Variants in OTUD7A observed in about 807,000 individuals in gnomAD.
The protein encoded by OTUD7A is OTU deubiquitinase 7A, also known as OTU domain-containing protein 7A.
Under a neutral mutation model 65.7 loss-of-function variants are expected in OTUD7A, and 12 were observed. That is an observed-to-expected ratio of 0.18 (90% CI 0.12 to 0.30). OTUD7A has a LOEUF of 0.30. OTUD7A is among the 10% of genes least tolerant of loss of function. The probability of loss-of-function intolerance (pLI) is 1.00; values close to 1 mark genes in which losing one functional copy is unlikely to be tolerated. For synonymous variants in OTUD7A, 641 were observed against 586.3 expected, an observed-to-expected ratio of 1.09 and a Z score of -1.35; for missense variants, 1,148 against 1,304.8, an observed-to-expected ratio of 0.88 and a Z score of 1.85.
At chr15:31,489,091 C>T (rs906785243) in intron 10 of OTUD7A, among the ~76,000 whole-genome samples, 24 of 152,160 alleles carry the variant, frequency 1.6e-4, no homozygotes, top group African/African-American at 5.3e-4. Context: ...TTGGGTGGTG[C>T]CCAGCAGCCT....
chr15:31,759,347 T>C (rs1894898439), intron 1 of OTUD7A, among the ~76,000 whole-genome samples: 1 of 152,220 alleles, frequency 6.6e-6, no homozygotes, highest in Admixed American at 6.5e-5. Context: ...TTACCACTTA[T>C]TTGGCACCTA....
At chr15:31,592,582 T>TA (rs901003538) in intron 3 of OTUD7A, among the ~76,000 whole-genome samples, 1 of 151,690 alleles carries the variant, frequency 6.6e-6, no homozygotes, top group Non-Finnish European at 1.5e-5. Flanking sequence ...ACATTAACTT[T>TA]AAAAAAATAT....
chr15:31,825,566 T>C (rs1896778430), intron 1 of OTUD7A, among the ~76,000 whole-genome samples: 1 of 152,108 alleles, frequency 6.6e-6, no homozygotes, highest in Non-Finnish European at 1.5e-5. Flanking sequence ...AGCCAAACCA[T>C]ATCATTCCAC....
chr15:31,675,265 G>T (rs890474773), intron 1 of OTUD7A, among the ~76,000 whole-genome samples: 1 of 152,166 alleles, frequency 6.6e-6, no homozygotes, highest in Non-Finnish European at 1.5e-5. Context: ...GGTTATTAGG[G>T]TGGAAAGAGA....
chr15:31,483,730 T>C lies in OTUD7A; in HGVS notation c.2366A>G (p.Glu789Gly). ...IHVQASGARD[E>G]ACAPAVGALR... ...CGCCCCCACGGCCGGCGCGCACGCCTCGTCCCGCGCGCCCGACGCCTGCAC... is the reference window on the plus strand; with the variant it reads ...CGCCCCCACGGCCGGCGCGCACGCCCCGTCCCGCGCGCCCGACGCCTGCAC... Residue 789 changes from glutamate to glycine, a missense_variant, in exon 13 of 13, where the codon GAG becomes GGG. Glu to Gly is a moderately conservative substitution (Grantham distance 98). Around this residue, in one of 6 missense-constraint regions of OTUD7A, gnomAD observed 842 missense variants for 769.5 expected, o/e 1.09. Transcript: ENST00000307050. 1 of 1,117,562 alleles carries C rather than the reference T, an allele frequency of 8.9e-7. No individual in the cohort carries two copies. The highest frequency in any genetic ancestry group is 1.1e-6 in the Non-Finnish European group (1 of 917,668). 69.2% of individuals were successfully genotyped at this position (1,117,562 alleles called of 1,614,324 possible).
At chr15:31,511,187 A>C (rs1404393441) in intron 8 of OTUD7A, among the ~76,000 whole-genome samples, 1 of 5,086 alleles carries the variant, frequency 2.0e-4, no homozygotes, top group Non-Finnish European at 3.0e-4. Flanking sequence ...ATCTATATGT[A>C]ACACACATAT....
chr15:31,544,070 A>C (rs535199653), intron 5 of OTUD7A, among the ~76,000 whole-genome samples: 25 of 151,954 alleles, frequency 1.6e-4, no homozygotes, highest in African/African-American at 5.5e-4. Context: ...AATCTATAAT[A>C]AAAATAACTA....
chr15:31,763,271 A>G (rs1567010357), intron 1 of OTUD7A, among the ~76,000 whole-genome samples: 1 of 151,568 alleles, frequency 6.6e-6, no homozygotes, highest in Non-Finnish European at 1.5e-5. Context: ...CAACAGAGCG[A>G]GACTCCATCT....
rs536413613 is a variant in OTUD7A at position 31,508,320 on chromosome 15, G to C, written c.894-4502C>G. Reference sequence around the variant, plus strand: ...ATAAAATAGGGTCCTTCCCAGGCTGGCTTGAGTTTTTTATTTTTTGATAAG... The same window carrying C: ...ATAAAATAGGGTCCTTCCCAGGCTGCCTTGAGTTTTTTATTTTTTGATAAG... On this transcript the variant is annotated intron_variant, in intron 8 of 12. Coordinates refer to ENST00000307050, the MANE Select transcript of OTUD7A (RefSeq NM_001382637.1). 9.2e-5 allele frequency among the ~76,000 whole-genome samples: 14 copies of C among 152,174 alleles called. No homozygotes were observed. The South Asian group carries it at 2.9e-3, about 32-fold the overall frequency.
chr15:31,862,531 C>T lies in OTUD7A; in HGVS notation c.-100+7976G>A, dbSNP rs369438793. Among the ~76,000 whole-genome samples the T allele has an allele frequency of 1.3e-4, 20 of 152,308 alleles. No homozygotes were observed. In the East Asian group the frequency reaches 3.7e-3, roughly 28 times the overall value. On this transcript the variant is annotated intron_variant, in intron 1 of 12. Coordinates refer to ENST00000307050, the MANE Select transcript of OTUD7A (RefSeq NM_001382637.1). ...GGCGGGAGGTGAAAGGCACTTCTTA[C>T]ATGGCAGTGGCAAGAGAAAAATAAG...
intron 4 of OTUD7A, among the ~76,000 whole-genome samples, chr15:31,562,969 T>C (rs752264517): frequency 6.6e-6 from 1 of 152,212 alleles, no homozygotes; most frequent in Admixed American, 6.5e-5. Flanking sequence ...AAAGGAGACA[T>C]AAATTTAATT....
chr15:31,766,903 A>C, intron 1 of OTUD7A: 1 of 1,609,970 alleles, frequency 6.2e-7, no homozygotes. Context: ...TGACACATCT[A>C]CAATTCCTTC....
intron 1 of OTUD7A, among the ~76,000 whole-genome samples, chr15:31,775,093 C>T (rs1895340755): frequency 1.0e-5 from 1 of 96,154 alleles, no homozygotes; most frequent in African/African-American, 3.6e-5. Flanking sequence ...TGCATTTACA[C>T]ACACACACAC....
chr15:31,687,300 T>C (rs1476894419), intron 1 of OTUD7A, among the ~76,000 whole-genome samples: 3 of 152,054 alleles, frequency 2.0e-5, no homozygotes, highest in South Asian at 2.1e-4. Context: ...CTTCCTGCCA[T>C]AGTGGTTTCA....
At chr15:31,776,527 T>C (rs1343600225) in intron 1 of OTUD7A, among the ~76,000 whole-genome samples, 1 of 152,154 alleles carries the variant, frequency 6.6e-6, no homozygotes, top group East Asian at 1.9e-4. Context: ...CCTGTCCTAA[T>C]AAGGTTCACC....
intron 3 of OTUD7A, among the ~76,000 whole-genome samples, chr15:31,609,243 G>C (rs182889922): frequency 6.6e-6 from 1 of 152,184 alleles, no homozygotes. Flanking sequence ...GGGAAGGCGC[G>C]AATCTGACGT....
chr15:31,522,994 T>C (rs1037159878), intron 8 of OTUD7A, among the ~76,000 whole-genome samples: 38 of 152,150 alleles, frequency 2.5e-4, no homozygotes, highest in African/African-American at 9.2e-4. Context: ...TTTACCCTCA[T>C]CCGTGGGGAA....
intron 5 of OTUD7A, among the ~76,000 whole-genome samples, chr15:31,545,014 A>G (rs1888089168): frequency 6.6e-6 from 1 of 152,054 alleles, no homozygotes; most frequent in Non-Finnish European, 1.5e-5. Flanking sequence ...CACAGTGATT[A>G]AGCAACATAT....
intron 1 of OTUD7A, among the ~76,000 whole-genome samples, chr15:31,722,304 A>G (rs1893761723): frequency 6.6e-6 from 1 of 152,020 alleles, no homozygotes; most frequent in South Asian, 2.1e-4. Flanking sequence ...CACAGCTCCC[A>G]TCTAGAGAAA....
Sources: gnomAD v4.1 joint callset for allele counts (sites outside exome capture counted in the v4.1 genomes callset) on GRCh38, gnomAD v4.1.1 for gene constraint, gnomAD v4.1.1 regional missense constraint, MANE v1.5 for transcripts, NCBI Gene and HGNC (gene_info 2026-07-23, HGNC 2026-07-21) for gene names.